The following ADK variants were observed in gnomAD, a reference collection of about 807,000 sequenced individuals.
ADK encodes the protein adenosine kinase, also known as N6,N6-dimethyladenosine kinase.
In ADK, 24 loss-of-function variants were observed where a neutral mutation model predicts 44.7. That is an observed-to-expected ratio of 0.54 (90% CI 0.39 to 0.76). ADK has a LOEUF of 0.76. Ranked by LOEUF, ADK falls within the 30% of genes least tolerant of loss-of-function variation. The pLI, the probability that ADK is intolerant of heterozygous loss-of-function variation, is 0.00. For synonymous variants in ADK, 128 were observed against 142.6 expected, an observed-to-expected ratio of 0.90 and a Z score of 0.73; for missense variants, 321 against 425.1, an observed-to-expected ratio of 0.76 and a Z score of 2.15.
intron 9 of ADK, among the ~76,000 whole-genome samples, chr10:74,600,782 A>T (rs1409946795): frequency 1.3e-5 from 2 of 152,144 alleles, no homozygotes; most frequent in East Asian, 3.9e-4. Flanking sequence ...TGAAAAAAAG[A>T]ATACATTTCA....
chr10:74,574,848 T>C (rs189875839), intron 7 of ADK, among the ~76,000 whole-genome samples: 35 of 152,328 alleles, frequency 2.3e-4, no homozygotes, highest in Middle Eastern at 3.4e-3. Context: ...TTTTTTACCT[T>C]TGTAAGCAAA....
At chr10:74,282,692 G>A (rs1846988831) in intron 3 of ADK, among the ~76,000 whole-genome samples, 1 of 152,166 alleles carries the variant, frequency 6.6e-6, no homozygotes, top group Non-Finnish European at 1.5e-5. Flanking sequence ...GTTCTTGGTT[G>A]TGACAAATAT....
chr10:74,371,143 G>A (rs1842644743), intron 4 of ADK, among the ~76,000 whole-genome samples: 1 of 152,134 alleles, frequency 6.6e-6, no homozygotes, highest in Admixed American at 6.5e-5. Context: ...AGTGTGTTAT[G>A]TTTACATGTT....
chr10:74,693,295 G>A (rs1856057129), intron 10 of ADK, among the ~76,000 whole-genome samples: 2 of 152,108 alleles, frequency 1.3e-5, no homozygotes, highest in South Asian at 4.1e-4. Flanking sequence ...CTGCTTCATT[G>A]TTTTGTAAAC....
At chr10:74,555,465 G>T (rs1850207315) in intron 7 of ADK, among the ~76,000 whole-genome samples, 1 of 151,938 alleles carries the variant, frequency 6.6e-6, no homozygotes, top group African/African-American at 2.4e-5. Context: ...TTCTATCCTG[G>T]CCAGGTATAG....
intron 9 of ADK, among the ~76,000 whole-genome samples, chr10:74,662,875 C>T (rs985565252): frequency 7.2e-5 from 11 of 152,186 alleles, no homozygotes; most frequent in African/African-American, 2.6e-4. Flanking sequence ...AAATTAACTC[C>T]CCTCCCTTGT....
At chr10:74,223,959 C>T (rs558885272) in intron 2 of ADK, among the ~76,000 whole-genome samples, 3 of 151,966 alleles carry the variant, frequency 2.0e-5, no homozygotes, top group East Asian at 1.9e-4. Context: ...CATGGTGGTG[C>T]GTGCCTGTAA....
intron 2 of ADK, among the ~76,000 whole-genome samples, chr10:74,217,070 G>T (rs1844070280): frequency 6.6e-6 from 1 of 152,234 alleles, no homozygotes; most frequent in African/African-American, 2.4e-5. Context: ...GCGAGGCATT[G>T]CCTCACTCGG....
At chr10:74,519,160 CCTT>C (rs1848711800) in intron 6 of ADK, among the ~76,000 whole-genome samples, 1 of 151,700 alleles carries the variant, frequency 6.6e-6, no homozygotes, top group Non-Finnish European at 1.5e-5. Flanking sequence ...TAGATTTTAA[CCTT>C]CTTTTCATAG....
At chr10:74,161,068 A>G (rs776437145) in intron 1 of ADK, among the ~76,000 whole-genome samples, 5 of 152,176 alleles carry the variant, frequency 3.3e-5, no homozygotes, top group Non-Finnish European at 7.3e-5. Context: ...CGTTATTGCA[A>G]TGTACAGTAT....
At chr10:74,471,584 G>A (rs1310643110) in intron 6 of ADK, among the ~76,000 whole-genome samples, 13 of 152,106 alleles carry the variant, frequency 8.5e-5, no homozygotes, top group African/African-American at 3.1e-4. Flanking sequence ...AAAGGAATCT[G>A]TACATTCCTT....
intron 2 of ADK, among the ~76,000 whole-genome samples, chr10:74,204,047 C>T (rs1387291406): frequency 2.9e-5 from 4 of 140,058 alleles, no homozygotes; most frequent in Non-Finnish European, 6.0e-5. Flanking sequence ...ATCTCCATTT[C>T]CCGGGTTGAA....
intron 2 of ADK, among the ~76,000 whole-genome samples, chr10:74,202,311 G>A (rs947715938): frequency 6.6e-6 from 1 of 152,120 alleles, no homozygotes; most frequent in Non-Finnish European, 1.5e-5. Context: ...CCTTTTAATA[G>A]TGGACTATTC....
At chr10:74,271,241 C>G (rs1846417670) in intron 3 of ADK, among the ~76,000 whole-genome samples, 2 of 152,072 alleles carry the variant, frequency 1.3e-5, no homozygotes, top group South Asian at 4.1e-4. Context: ...GGAGATAGGA[C>G]AGACCTTGAT....
Position 74,562,497 on chromosome 10 carries a change from T to G in ADK, c.727-26785T>G, listed in dbSNP as rs568302973. Among the ~76,000 whole-genome samples, 4 of 152,334 alleles carry G rather than the reference T, an allele frequency of 2.6e-5. No homozygotes were observed. In the South Asian group the frequency reaches 6.2e-4, roughly 24 times the overall value. On this transcript the variant is annotated intron_variant, in intron 7 of 10. Transcript: ENST00000539909. ...ACTGATTAGCAGTTTACATATTTCC[T>G]TCAAGGATAGTCTTACTCTCCTTGT...
intron 3 of ADK, among the ~76,000 whole-genome samples, chr10:74,245,998 T>C (rs1845401951): frequency 1.3e-5 from 2 of 152,220 alleles, no homozygotes; most frequent in South Asian, 2.1e-4. Flanking sequence ...CATTCTGTCA[T>C]GATGAGGATA....
At chr10:74,612,628 T>G (rs936879715) in intron 9 of ADK, among the ~76,000 whole-genome samples, 57 of 152,262 alleles carry the variant, frequency 3.7e-4, no homozygotes, top group African/African-American at 1.3e-3. Context: ...CAGAAACTCT[T>G]TAGTTAAGTT....
chr10:74,254,928 A>G (rs1845774484), intron 3 of ADK, among the ~76,000 whole-genome samples: 1 of 152,206 alleles, frequency 6.6e-6, no homozygotes, highest in South Asian at 2.1e-4. Context: ...ACTACAGTGA[A>G]TTGTGTTAAT....
chr10:74,372,740 GA>G (rs1354021530), intron 4 of ADK, among the ~76,000 whole-genome samples: 1 of 152,090 alleles, frequency 6.6e-6, no homozygotes, highest in East Asian at 1.9e-4. Context: ...TTGATATTTT[GA>G]AAAGATTTAA....
Sources: gnomAD v4.1 joint callset for allele counts (sites outside exome capture counted in the v4.1 genomes callset) on GRCh38, gnomAD v4.1.1 for gene constraint, MANE v1.5 for transcripts, NCBI Gene and HGNC (gene_info 2026-07-23, HGNC 2026-07-21) for gene names.